The following GAB3 variants were observed in gnomAD, a reference collection of about 807,000 sequenced individuals.
GAB3 encodes GRB2-associated-binding protein 3.
In GAB3, 12 loss-of-function variants were observed where a neutral mutation model predicts 40.4. That is an observed-to-expected ratio of 0.30 (90% CI 0.19 to 0.48). GAB3 has a LOEUF of 0.48. Among genes scored for constraint, GAB3 ranks in the 20% least tolerant of loss-of-function variants. The pLI, the probability that GAB3 is intolerant of heterozygous loss-of-function variation, is 0.99. For synonymous variants in GAB3, 154 were observed against 176.7 expected (o/e 0.87, Z 1.02); for missense variants, 381 against 461.9 (o/e 0.82, Z 1.61).
intron 1 of GAB3, among the ~76,000 whole-genome samples, chrX:154,737,832 A>T (rs2071385346): frequency 9.0e-6 from 1 of 111,581 alleles, no homozygotes; most frequent in South Asian, 3.7e-4. Context: ...TCTACTAAAA[A>T]TACAAAAATT....
At chrX:154,709,539 T>G (rs917559086) in intron 4 of GAB3, among the ~76,000 whole-genome samples, 2 of 109,222 alleles carry the variant, frequency 1.8e-5, no homozygotes, top group African/African-American at 3.3e-5. Flanking sequence ...AGGCTGGTCT[T>G]GAACCTCTAA....
At chrX:154,748,552 T>C (rs1401251798) in intron 1 of GAB3, among the ~76,000 whole-genome samples, 1 of 112,491 alleles carries the variant, frequency 8.9e-6, no homozygotes, top group African/African-American at 3.2e-5. Context: ...TCTGATTGTC[T>C]TCACTGATGG....
intron 8 of GAB3, among the ~76,000 whole-genome samples, chrX:154,681,999 G>A (rs1005992129): frequency 1.8e-5 from 2 of 111,999 alleles, no homozygotes; most frequent in Non-Finnish European, 3.8e-5. Context: ...CAGGAACATG[G>A]TCTACTTTTC....
chrX:154,699,219 A>T, intron 6 of GAB3, 75 bp downstream of exon 6: 1 of 888,834 alleles, frequency 1.1e-6, no homozygotes, highest in Non-Finnish European at 1.6e-6. Flanking sequence ...GTCTTCCTTT[A>T]CAGAAACCTT....
At chrX:154,714,476 C>T (rs1557257220) in intron 2 of GAB3, among the ~76,000 whole-genome samples, 1 of 112,104 alleles carries the variant, frequency 8.9e-6, no homozygotes. Flanking sequence ...GAGACAGAAC[C>T]AAACACTCTG....
intron 1 of GAB3, among the ~76,000 whole-genome samples, chrX:154,750,485 G>C (rs781935493): frequency 8.9e-5 from 10 of 112,381 alleles, no homozygotes; most frequent in Non-Finnish European, 1.9e-4. Context: ...ACAGCTACAA[G>C]AGCAGCACTC....
At chrX:154,719,974 T>C (rs1476560330) in intron 1 of GAB3, among the ~76,000 whole-genome samples, 2 of 112,266 alleles carry the variant, frequency 1.8e-5, no homozygotes, top group Admixed American at 9.3e-5. Flanking sequence ...TAAATAGTCA[T>C]ATGCTGCATG....
At chrX:154,729,415 C>T (rs782375361) in intron 1 of GAB3, among the ~76,000 whole-genome samples, 369 of 111,621 alleles carry the variant, frequency 3.3e-3, no homozygotes, top group African/African-American at 0.011. Flanking sequence ...CTATGATGCT[C>T]GGTGCAATGA....
intron 4 of GAB3, among the ~76,000 whole-genome samples, chrX:154,704,599 G>T (rs185204657): frequency 3.3e-4 from 37 of 111,001 alleles, no homozygotes; most frequent in African/African-American, 1.1e-3. Context: ...AAATAATAAA[G>T]ATCACATCAG....
intron 5 of GAB3, 119 bp downstream of exon 5, chrX:154,699,885 G>C: frequency 1.6e-6 from 1 of 608,270 alleles, no homozygotes; most frequent in East Asian, 3.2e-5. Context: ...CTTCAGGGGA[G>C]ACTGGAAGAT....
intron 4 of GAB3, among the ~76,000 whole-genome samples, chrX:154,710,310 T>C (rs1035007170): frequency 1.9e-4 from 21 of 111,757 alleles, no homozygotes; most frequent in African/African-American, 3.9e-4. Context: ...TATGTGTGTC[T>C]AGAACCTGAC....
At chrX:154,682,744 G>A (rs1399030389) in intron 8 of GAB3, among the ~76,000 whole-genome samples, 1 of 111,166 alleles carries the variant, frequency 9.0e-6, no homozygotes, top group Admixed American at 9.6e-5. Flanking sequence ...TTGGGAGGCC[G>A]AGGCGAGCGG....
intron 4 of GAB3, among the ~76,000 whole-genome samples, chrX:154,707,866 T>A (rs1196503362): frequency 8.9e-6 from 1 of 112,027 alleles, no homozygotes; most frequent in Non-Finnish European, 1.9e-5. Flanking sequence ...TCAATTTAAG[T>A]TTTCATACAA....
chrX:154,734,869 C>T (rs907482214), intron 1 of GAB3, among the ~76,000 whole-genome samples: 2 of 112,088 alleles, frequency 1.8e-5, no homozygotes, highest in East Asian at 5.6e-4. Flanking sequence ...TCCTATTATG[C>T]GATCTGGAAG....
chrX:154,708,499 A>G (rs1009527539), intron 4 of GAB3, among the ~76,000 whole-genome samples: 1 of 112,448 alleles, frequency 8.9e-6, no homozygotes, highest in Non-Finnish European at 1.9e-5. Context: ...AACAGTAAAA[A>G]TATATAAGGA....
At chrX:154,724,386 A>AT (rs2071182141) in intron 1 of GAB3, among the ~76,000 whole-genome samples, 1 of 110,200 alleles carries the variant, frequency 9.1e-6, no homozygotes, top group Non-Finnish European at 1.9e-5. Context: ...AAATAAATAA[A>AT]AATAAAATGA....
chrX:154,686,878 GA>G (rs781850544), intron 8 of GAB3, among the ~76,000 whole-genome samples: 21 of 111,405 alleles, frequency 1.9e-4, no homozygotes, highest in African/African-American at 6.5e-4. Context: ...ATTATGAGGG[GA>G]AAAAAATCAA....
chrX:154,711,542 T>C (rs1209111976), intron 4 of GAB3, among the ~76,000 whole-genome samples: 1 of 111,329 alleles, frequency 9.0e-6, no homozygotes, highest in Non-Finnish European at 1.9e-5. Context: ...GATAACCTCG[T>C]GAGGATAAAT....
At chrX:154,726,033 T>C (rs1353508814) in intron 1 of GAB3, among the ~76,000 whole-genome samples, 1 of 111,112 alleles carries the variant, frequency 9.0e-6, no homozygotes, top group African/African-American at 3.3e-5. Context: ...AATATAATAT[T>C]TACAATGAAA....
Sources: allele counts gnomAD v4.1 joint callset (sites outside exome capture counted in the v4.1 genomes callset), GRCh38; gene constraint gnomAD v4.1.1; transcripts MANE v1.5; gene names NCBI Gene and HGNC (gene_info 2026-07-23, HGNC 2026-07-21).